Variants in PARD3 observed in about 807,000 individuals in gnomAD.
PARD3 encodes the protein par-3 family cell polarity regulator.
In PARD3, 75 loss-of-function variants were observed where a neutral mutation model predicts 155.4. That is an observed-to-expected ratio of 0.48 (90% CI 0.40 to 0.58). The LOEUF is 0.58. Among genes scored for constraint, PARD3 ranks in the 20% least tolerant of loss-of-function variants. The pLI, the probability that PARD3 is intolerant of heterozygous loss-of-function variation, is 0.00. For missense variants in PARD3, 1,642 were observed against 1,721.7 expected (o/e 0.95, Z 0.82); for synonymous variants, 576 against 610.5 (o/e 0.94, Z 0.83).
At chr10:34,443,827 A>C (rs555449033) in intron 5 of PARD3, among the ~76,000 whole-genome samples, 5 of 152,310 alleles carry the variant, frequency 3.3e-5, no homozygotes, top group South Asian at 4.1e-4. Context: ...CAGCTGCAGA[A>C]AGTGACAAAG....
At chr10:34,622,801 A>G (rs1342555309) in intron 2 of PARD3, among the ~76,000 whole-genome samples, 2 of 149,318 alleles carry the variant, frequency 1.3e-5, no homozygotes, top group Non-Finnish European at 3.0e-5. Flanking sequence ...AATGACTTAC[A>G]TTGCCTGAGT....
chr10:34,140,749 C>A (rs552065418), intron 22 of PARD3, among the ~76,000 whole-genome samples: 1 of 152,300 alleles, frequency 6.6e-6, no homozygotes, highest in Admixed American at 6.5e-5. Context: ...AATCACAGGT[C>A]ATAAATTCAC....
At chr10:34,803,635 C>T (rs1776853966) in intron 1 of PARD3, among the ~76,000 whole-genome samples, 1 of 151,930 alleles carries the variant, frequency 6.6e-6, no homozygotes, top group African/African-American at 2.4e-5. Flanking sequence ...AACCCCATCT[C>T]TACTAAAAAT....
chr10:34,521,356 T>C (rs1589863866), intron 2 of PARD3, among the ~76,000 whole-genome samples: 1 of 83,756 alleles, frequency 1.2e-5, no homozygotes, highest in Admixed American at 1.5e-4. Flanking sequence ...ATGCATATAG[T>C]AACACAGCAA....
At chr10:34,351,918 T>C (rs965353993) in intron 14 of PARD3, among the ~76,000 whole-genome samples, 4 of 152,236 alleles carry the variant, frequency 2.6e-5, no homozygotes, top group Non-Finnish European at 5.9e-5. Context: ...AATGAAGAGA[T>C]TCATAAATGA....
chr10:34,744,234 A>G (rs1257905411), intron 1 of PARD3, among the ~76,000 whole-genome samples: 2 of 152,346 alleles, frequency 1.3e-5, no homozygotes, highest in East Asian at 3.9e-4. Flanking sequence ...CAGACAGTAC[A>G]TTAGCCATTA....
intron 20 of PARD3, among the ~76,000 whole-genome samples, chr10:34,298,287 A>G (rs773527889): frequency 6.6e-6 from 1 of 152,232 alleles, no homozygotes; most frequent in Non-Finnish European, 1.5e-5. Context: ...GAGTTGTGAC[A>G]CTGAGGATAG....
chr10:34,261,930 G>A (rs539485588), intron 22 of PARD3, among the ~76,000 whole-genome samples: 2 of 152,282 alleles, frequency 1.3e-5, no homozygotes, highest in African/African-American at 4.8e-5. Flanking sequence ...GATCATAGAT[G>A]AACAATGGAC....
intron 22 of PARD3, among the ~76,000 whole-genome samples, chr10:34,213,624 G>C (rs1200901238): frequency 6.6e-6 from 1 of 152,076 alleles, no homozygotes; most frequent in African/African-American, 2.4e-5. Context: ...TTTCCTATTT[G>C]GTTATGTGGG....
intron 20 of PARD3, among the ~76,000 whole-genome samples, chr10:34,295,744 A>G (rs1361826541): frequency 6.6e-6 from 1 of 152,184 alleles, no homozygotes; most frequent in Non-Finnish European, 1.5e-5. Context: ...TATATACACA[A>G]ATCTCAGTGG....
rs528801071 is a variant in PARD3 at position 34,510,243 on chromosome 10, T to C, written c.403+6736A>G. Among the ~76,000 whole-genome samples, 58 of 152,294 alleles carry C rather than the reference T, an allele frequency of 3.8e-4. No homozygotes were observed. In the East Asian group the frequency reaches 0.011, roughly 29 times the overall value. On this transcript the variant is annotated intron_variant, in intron 3 of 24. Coordinates refer to ENST00000374788, the MANE Select transcript of PARD3 (RefSeq NM_001184785.2). The stretch of plus-strand genomic sequence containing the variant: ...AGGTAGCCCACCTGCAGCTACCTCA[T>C]GCCAGCAGTTTCCAATCAGAGCACA...
At chr10:34,138,380 G>A (rs751283927) in intron 22 of PARD3, among the ~76,000 whole-genome samples, 5 of 152,076 alleles carry the variant, frequency 3.3e-5, no homozygotes, top group South Asian at 4.1e-4. Flanking sequence ...CGACCTCCCC[G>A]CTACTGCACC....
intron 2 of PARD3, among the ~76,000 whole-genome samples, chr10:34,566,553 G>A (rs959186677): frequency 5.3e-5 from 8 of 152,276 alleles, no homozygotes; most frequent in Admixed American, 4.6e-4. Context: ...AGAAGGTGGT[G>A]CAAAACAAAC....
chr10:34,695,493 AAAG>A (rs1362345908), intron 2 of PARD3, among the ~76,000 whole-genome samples: 1 of 151,466 alleles, frequency 6.6e-6, no homozygotes, highest in Non-Finnish European at 1.5e-5. Context: ...AAAAAAAAAA[AAAG>A]AATTTGCTGA....
intron 1 of PARD3, among the ~76,000 whole-genome samples, chr10:34,725,154 A>T (rs139040840): frequency 0.16 from 9,379 of 59,138 alleles, 460 homozygotes; most frequent in Non-Finnish European, 0.24. Context: ...TGTGTGTGAC[A>T]GAGAGAGAGA....
chr10:34,531,391 C>T lies in PARD3; in HGVS notation c.223-14232G>A, dbSNP rs191506179. 1.3e-3 allele frequency among the ~76,000 whole-genome samples: 201 copies of T among 152,178 alleles called. 1 individual carries two copies. The highest frequency in any genetic ancestry group is 4.5e-3 in the African/African-American group (186 of 41,528). ...AAGCCTCTTTAAAAAATTATCAAAC[C>T]ATCCTTTGCTGGCATTAAATTCTCC... On this transcript the variant is annotated intron_variant, in intron 2 of 24. Coordinates refer to ENST00000374788, the MANE Select transcript of PARD3 (RefSeq NM_001184785.2).
chr10:34,286,572 G>A (rs1446068973), intron 20 of PARD3, among the ~76,000 whole-genome samples: 2 of 152,240 alleles, frequency 1.3e-5, no homozygotes, highest in African/African-American at 4.8e-5. Context: ...GGCAGGCTGA[G>A]TGTCTTTGAG....
rs538302015 is a variant in PARD3, at chr10:34,336,587, T to C, written c.2561-344A>G. 2.0e-5 allele frequency among the ~76,000 whole-genome samples: 3 copies of C among 152,296 alleles called. No individual in the cohort carries two copies. In the South Asian group the frequency reaches 6.2e-4, roughly 32 times the overall value. The stretch of plus-strand genomic sequence containing the variant: ...CACCAGAGAACAGCATAAGTTACAG[T>C]TGATTAACAAAGGTTTTAAATCATT... On this transcript the variant is annotated intron_variant, in intron 17 of 24. Transcript: ENST00000374788.
intron 5 of PARD3, among the ~76,000 whole-genome samples, chr10:34,426,111 A>G (rs1345168882): frequency 6.6e-6 from 1 of 152,210 alleles, no homozygotes; most frequent in Non-Finnish European, 1.5e-5. Context: ...TTTCAACCGT[A>G]CAAGTAATAG....
Sources: gnomAD v4.1 joint callset for allele counts (sites outside exome capture counted in the v4.1 genomes callset) on GRCh38, gnomAD v4.1.1 for gene constraint, MANE v1.5 for transcripts, NCBI Gene and HGNC (gene_info 2026-07-23, HGNC 2026-07-21) for gene names.